EYS: variants seen among roughly 807,000 people sequenced by gnomAD.
EYS encodes EGF-like photoreceptor maintenance factor, also known as protein eyes shut homolog.
EYS carries 250 observed loss-of-function variants against 282.1 expected under a neutral mutation model. That is an observed-to-expected ratio of 0.89 (90% CI 0.80 to 0.98). The LOEUF (loss-of-function observed/expected upper bound fraction) is 0.98, where lower values mean the gene tolerates loss of function less well. EYS is among the 50% of genes least tolerant of loss of function. The pLI is 0.00. For missense variants in EYS, 4,016 were observed against 3,709.0 expected, an observed-to-expected ratio of 1.08 and a Z score of -2.15; for synonymous variants, 1,355 against 1,282.9, an observed-to-expected ratio of 1.06 and a Z score of -1.20.
intron 31 of EYS, among the ~76,000 whole-genome samples, chr6:64,162,918 G>A (rs1378208513): frequency 6.6e-6 from 1 of 152,104 alleles, no homozygotes; most frequent in Non-Finnish European, 1.5e-5. Flanking sequence ...ATGAATTCAT[G>A]TATTAATTCA....
At chr6:65,580,831 G>A (rs1764840177) in intron 2 of EYS, among the ~76,000 whole-genome samples, 1 of 152,026 alleles carries the variant, frequency 6.6e-6, no homozygotes, top group Non-Finnish European at 1.5e-5. Context: ...AACTTCAAGT[G>A]TCATGTCTCC....
At chr6:64,662,060 A>G (rs1263977021) in intron 22 of EYS, among the ~76,000 whole-genome samples, 1 of 152,186 alleles carries the variant, frequency 6.6e-6, no homozygotes, top group East Asian at 1.9e-4. Flanking sequence ...GCCATAAAAA[A>G]CGATGAGTTC....
chr6:64,742,246 G>A (rs1583103613), intron 22 of EYS, among the ~76,000 whole-genome samples: 1 of 152,158 alleles, frequency 6.6e-6, no homozygotes, highest in East Asian at 1.9e-4. Context: ...AGTTTGTGGA[G>A]TAGTCAGAAC....
At chr6:65,549,984 G>A (rs538407786) in intron 2 of EYS, among the ~76,000 whole-genome samples, 5 of 124,506 alleles carry the variant, frequency 4.0e-5, no homozygotes, top group Non-Finnish European at 8.6e-5. Context: ...GGGCAAGGTG[G>A]CAACCATCCT....
chr6:64,202,205 G>A (rs11757369), intron 31 of EYS, among the ~76,000 whole-genome samples: 6,701 of 152,184 alleles, frequency 0.044, 235 homozygotes, highest in Non-Finnish European at 0.07. Context: ...TTCCTTTGTT[G>A]GTTTCTTTCA....
intron 28 of EYS, among the ~76,000 whole-genome samples, chr6:64,394,312 C>G (rs1252545873): frequency 1.3e-5 from 2 of 152,092 alleles, no homozygotes; most frequent in African/African-American, 4.8e-5. Context: ...AAAAAAGAGC[C>G]TGCATCGCCA....
chr6:64,021,610 T>C (rs1241323556), intron 33 of EYS, among the ~76,000 whole-genome samples: 1 of 152,214 alleles, frequency 6.6e-6, no homozygotes, highest in South Asian at 2.1e-4. Context: ...GACATGGTTT[T>C]TCTACAATGG....
chr6:64,746,935 G>A (rs931837421), intron 22 of EYS, among the ~76,000 whole-genome samples: 11 of 152,304 alleles, frequency 7.2e-5, no homozygotes, highest in African/African-American at 2.6e-4. Flanking sequence ...CTATGGTACT[G>A]GAAACAGAAG....
At chr6:64,902,333 AT>A in intron 17 of EYS, 70 bp downstream of exon 17, 4 of 1,322,300 alleles carry the variant, frequency 3.0e-6, no homozygotes, top group Non-Finnish European at 4.2e-6. Flanking sequence ...TAATTCACCA[AT>A]TAAAATTCTA....
chr6:64,609,260 G>A (rs1368228783), intron 24 of EYS, among the ~76,000 whole-genome samples: 1 of 152,152 alleles, frequency 6.6e-6, no homozygotes, highest in African/African-American at 2.4e-5. Context: ...TGTTGTGGCA[G>A]TATTATGAGG....
intron 30 of EYS, among the ~76,000 whole-genome samples, chr6:64,240,736 C>T (rs1007845902): frequency 1.3e-5 from 2 of 152,052 alleles, no homozygotes; most frequent in Non-Finnish European, 2.9e-5. Context: ...GATTGAATAC[C>T]CCTTGTTTCT....
intron 12 of EYS, among the ~76,000 whole-genome samples, chr6:65,090,940 A>G (rs1296605577): frequency 1.3e-5 from 2 of 152,080 alleles, no homozygotes; most frequent in African/African-American, 4.8e-5. Context: ...TAAATATTCA[A>G]TAACATTTAT....
intron 26 of EYS, among the ~76,000 whole-genome samples, chr6:64,512,943 T>C (rs913655441): frequency 6.6e-6 from 1 of 151,296 alleles, no homozygotes; most frequent in Non-Finnish European, 1.5e-5. Flanking sequence ...TTCTGAAAAA[T>C]AAAGAGAGTT....
At chr6:65,543,068 G>A (rs1284312908) in intron 2 of EYS, among the ~76,000 whole-genome samples, 1 of 152,058 alleles carries the variant, frequency 6.6e-6, no homozygotes, top group Non-Finnish European at 1.5e-5. Flanking sequence ...ACCCAGGCTG[G>A]AGAGAAGTGG....
chr6:63,841,533 T>G (rs554839794), intron 36 of EYS, among the ~76,000 whole-genome samples: 1 of 152,240 alleles, frequency 6.6e-6, no homozygotes, highest in East Asian at 1.9e-4. Context: ...AGTGTCCGTA[T>G]TGCAAGCATT....
At position 64,032,977 on chromosome 6, in the gene EYS, T is replaced by G. The variant is rs190060327; in HGVS notation, c.6725+33361A>C. On this transcript the variant is annotated intron_variant, in intron 33 of 42. Coordinates refer to ENST00000503581, the MANE Select transcript of EYS (RefSeq NM_001142800.2). Reference sequence around the variant, plus strand: ...ACTCCCCAGCCACTCTCTCCTCTCTTGAGGAGACTTCAAGAGTCTTAGAAG... The same window carrying G: ...ACTCCCCAGCCACTCTCTCCTCTCTGGAGGAGACTTCAAGAGTCTTAGAAG... Among the ~76,000 whole-genome samples, 39 of 152,268 alleles carry G rather than the reference T, an allele frequency of 2.6e-4. No individual in the cohort carries two copies. In the East Asian group the frequency reaches 7.1e-3, roughly 28 times the overall value.
chr6:65,452,969 A>C (rs896810958), intron 5 of EYS, among the ~76,000 whole-genome samples: 2 of 152,064 alleles, frequency 1.3e-5, no homozygotes, highest in Non-Finnish European at 1.5e-5. Flanking sequence ...GATCACAGAC[A>C]AGCTCCGTAA....
chr6:64,816,109 C>G (rs955805491), intron 21 of EYS, among the ~76,000 whole-genome samples: 1 of 152,016 alleles, frequency 6.6e-6, no homozygotes, highest in Non-Finnish European at 1.5e-5. Context: ...TAGTGGAATA[C>G]TTTCCTCAAT....
intron 35 of EYS, among the ~76,000 whole-genome samples, chr6:63,977,184 A>G (rs1174070678): frequency 6.6e-6 from 1 of 151,860 alleles, no homozygotes; most frequent in African/African-American, 2.4e-5. Flanking sequence ...TAAAAATTTT[A>G]CATATTTATG....
Sources: gnomAD v4.1 joint callset for allele counts (sites outside exome capture counted in the v4.1 genomes callset) on GRCh38, gnomAD v4.1.1 for gene constraint, MANE v1.5 for transcripts, NCBI Gene and HGNC (gene_info 2026-07-23, HGNC 2026-07-21) for gene names.